Variants in SCOC observed in about 807,000 individuals in gnomAD.
SCOC encodes short coiled-coil protein.
SCOC carries 7 observed loss-of-function variants against 9.9 expected under a neutral mutation model. The observed-to-expected ratio is 0.71, with a 90% confidence interval of 0.40 to 1.33. SCOC has a LOEUF of 1.33. Among genes scored for constraint, SCOC ranks in the 40% most tolerant of loss-of-function variants. The pLI is 0.01. For missense variants in SCOC, 66 were observed against 89.7 expected (o/e 0.74, Z 1.07); for synonymous variants, 19 against 28.2 (o/e 0.67, Z 1.03).
upstream of SCOC, among the ~76,000 whole-genome samples, chr4:140,340,600 A>G (rs1479343891): frequency 1.3e-5 from 2 of 151,980 alleles, no homozygotes; most frequent in Non-Finnish European, 2.9e-5. Context: ...ATTAATGCAA[A>G]AGAAATCAAT....
rs146439871 is a variant in SCOC at position 140,264,386 on chromosome 4, G to A, written c.-19+6976G>A. On this transcript the variant is annotated intron_variant, in intron 1 of 4. Transcript: ENST00000394205. ...CAACCTTGTTCTGTGACCTTAGGAA[G>A]TTACTTTACCTCTTTGTGCCTTGGT... Among the ~76,000 whole-genome samples the A allele has an allele frequency of 9.0e-3, 1,370 of 152,242 alleles. 17 individuals carry two copies. Among genetic ancestry groups the A allele is most frequent in the African/African-American group, 0.032 (1,314 of 41,528 alleles).
rs759574615 is a variant in SCOC, at chr4:140,373,670, C to T, written c.-98C>T. 2 of 1,551,210 alleles carry T rather than the reference C, an allele frequency of 1.3e-6. No homozygotes were observed. Among genetic ancestry groups the T allele is most frequent in the Non-Finnish European group, 1.7e-6 (2 of 1,146,962 alleles). ...GGTCAGTTGGTCCAAGTGTCCCGGC[C>T]TGAGGTGTCGGCCGGATCCCTCCTT... On this transcript the variant is annotated 5_prime_UTR_variant, in exon 1 of 4. Transcript: ENST00000608372.
exon 2 of SCOC, chr4:140,343,654 A>G: frequency 1.2e-6 from 2 of 1,613,696 alleles, no homozygotes; most frequent in Non-Finnish European, 8.5e-7. Flanking sequence ...CGGGTCCAGG[A>G]AAGAGGAGGA....
chr4:140,315,746 T>G (rs1560697210), intron 1 of SCOC, among the ~76,000 whole-genome samples: 1 of 152,204 alleles, frequency 6.6e-6, no homozygotes. Context: ...TTTGAACGCT[T>G]TAACCCAGAT....
At chr4:140,369,882 T>A (rs1260670226), upstream of SCOC, among the ~76,000 whole-genome samples, 1 of 115,656 alleles carries the variant, frequency 8.6e-6, no homozygotes, top group Non-Finnish European at 1.7e-5. Context: ...TTTTTTTTTT[T>A]TTTTTTTTTT....
intron 1 of SCOC, among the ~76,000 whole-genome samples, chr4:140,287,104 C>G (rs1417527844): frequency 2.0e-5 from 3 of 151,726 alleles, no homozygotes; most frequent in African/African-American, 7.3e-5. Context: ...CCATAGATCA[C>G]ACATATGTAC....
chr4:140,317,953 G>T (rs968588473), intron 1 of SCOC, among the ~76,000 whole-genome samples: 4 of 145,916 alleles, frequency 2.7e-5, no homozygotes, highest in African/African-American at 1.0e-4. Flanking sequence ...GCGGTGTTTG[G>T]TTTTTTGTTC....
chr4:140,287,106 C>A (rs527440967), intron 1 of SCOC, among the ~76,000 whole-genome samples: 1 of 151,894 alleles, frequency 6.6e-6, no homozygotes, highest in South Asian at 2.1e-4. Context: ...ATAGATCACA[C>A]ATATGTACAC....
chr4:140,328,536 A>G (rs933221985), intron 1 of SCOC, among the ~76,000 whole-genome samples: 1 of 152,196 alleles, frequency 6.6e-6, no homozygotes, highest in Non-Finnish European at 1.5e-5. Flanking sequence ...TACTGGCTGC[A>G]ATCCTGTAAT....
In SCOC at chr4:140,326,492, G is replaced by A. The variant is rs569296013; in HGVS notation, c.-18-17129G>A. On this transcript the variant is annotated intron_variant, in intron 1 of 4. Transcript: ENST00000394205. ...AAAACAGCAATAAATATAGTGGCAT[G>A]ACTTCAAAAAAGTTCATTTATAATT... is the stretch of plus-strand genomic sequence containing the variant. Among the ~76,000 whole-genome samples, 4 of 152,318 alleles carry A rather than the reference G, an allele frequency of 2.6e-5. No individual in the cohort carries two copies. In the South Asian group the frequency reaches 8.3e-4, roughly 32 times the overall value.
intron 1 of SCOC, among the ~76,000 whole-genome samples, chr4:140,328,650 G>T (rs1732721700): frequency 6.6e-6 from 1 of 152,188 alleles, no homozygotes; most frequent in Admixed American, 6.5e-5. Context: ...TGATCTGGGT[G>T]TTGGATACAT....
Position 140,379,112 on chromosome 4 carries a change from T to G in SCOC, c.-50-9T>G, listed in dbSNP as rs756956680. The G allele has an allele frequency of 6.4e-7, 1 of 1,563,862 alleles. No homozygotes were observed. Among genetic ancestry groups the G allele is most frequent in the Admixed American group, 1.7e-5 (1 of 59,932 alleles). On this transcript the variant is annotated splice_polypyrimidine_tract_variant and intron_variant, in intron 1 of 3. Transcript: ENST00000608372. Reference sequence around the variant, plus strand: ...ATGTGTCTATATTTCTGAATTTTTCTTATTGTAGACCATTCCTCAAGAATT... The same window carrying G: ...ATGTGTCTATATTTCTGAATTTTTCGTATTGTAGACCATTCCTCAAGAATT...
At chr4:140,296,933 A>T (rs1477465378) in intron 1 of SCOC, among the ~76,000 whole-genome samples, 2 of 151,922 alleles carry the variant, frequency 1.3e-5, no homozygotes, top group Non-Finnish European at 2.9e-5. Flanking sequence ...TTATTTACCT[A>T]TTTCTCTCCT....
intron 1 of SCOC, among the ~76,000 whole-genome samples, chr4:140,332,542 C>G (rs1272432214): frequency 6.6e-6 from 1 of 151,906 alleles, no homozygotes; most frequent in East Asian, 1.9e-4. Flanking sequence ...CCATGCCCAG[C>G]TAATTTTTGT....
intron 2 of SCOC, among the ~76,000 whole-genome samples, chr4:140,357,144 A>G (rs548419918): frequency 6.6e-6 from 1 of 151,484 alleles, no homozygotes; most frequent in East Asian, 2.0e-4. Context: ...TAATTTTTGT[A>G]CTTTTTTTTA....
rs192998934 is a variant in SCOC at position 140,276,756 on chromosome 4, C to A, written c.-19+19346C>A. On this transcript the variant is annotated intron_variant, in intron 1 of 4. Transcript: ENST00000394205. The stretch of plus-strand genomic sequence containing the variant: ...ACAGGCGTGAGCCACCTCGGCCAGC[C>A]ACTCTCCCAGTTTTAAAGCAAAAAA... 1.9e-4 allele frequency among the ~76,000 whole-genome samples: 29 copies of A among 152,008 alleles called. 1 individual carries two copies. The East Asian group carries it at 5.5e-3, about 29-fold the overall frequency.
rs568345480 is a variant in SCOC at position 140,373,900 on chromosome 4, C to T, written c.-51+183C>T. On this transcript the variant is annotated intron_variant, in intron 1 of 3. Transcript: ENST00000608372. ...CGGAGGCCTGGCTCCCGGCAGAACCCTTGCGCGACCTCTTTTTCTCCTGTT... is the reference window on the plus strand; with the variant it reads ...CGGAGGCCTGGCTCCCGGCAGAACCTTTGCGCGACCTCTTTTTCTCCTGTT... 15 of 725,452 alleles carry T rather than the reference C, an allele frequency of 2.1e-5. No homozygotes were observed. The African/African-American group carries it at 2.4e-4, about 12-fold the overall frequency. 44.9% of individuals were successfully genotyped at this position (725,452 alleles called of 1,614,324 possible).
intron 1 of SCOC, among the ~76,000 whole-genome samples, chr4:140,323,780 G>C (rs151276344): frequency 6.6e-6 from 1 of 152,150 alleles, no homozygotes; most frequent in East Asian, 1.9e-4. Context: ...AGATGGTTTC[G>C]CTGATAAAAT....
At chr4:140,366,104 A>G in intron 2 of SCOC, 1 of 378,694 alleles carries the variant, frequency 2.6e-6, no homozygotes, top group East Asian at 4.3e-5. Flanking sequence ...TGTTTGTATA[A>G]TGCAATTTTA....
Sources: gnomAD v4.1 joint callset for allele counts (sites outside exome capture counted in the v4.1 genomes callset) on GRCh38, gnomAD v4.1.1 for gene constraint, MANE v1.5 for transcripts, NCBI Gene and HGNC (gene_info 2026-07-23, HGNC 2026-07-21) for gene names.